The following CCDC102B variants were observed in gnomAD, a reference collection of about 807,000 sequenced individuals.
CCDC102B encodes coiled-coil domain containing 102B.
CCDC102B carries 75 observed loss-of-function variants against 57.4 expected under a neutral mutation model. That is an observed-to-expected ratio of 1.31 (90% CI 1.08 to 1.58). CCDC102B has a LOEUF of 1.58. CCDC102B is among the 40% of genes most tolerant of loss of function. CCDC102B has a pLI of 0.00. For missense variants in CCDC102B, 636 were observed against 582.6 expected (o/e 1.09, Z -0.94); for synonymous variants, 206 against 201.9 (o/e 1.02, Z -0.17).
intron 7 of CCDC102B, among the ~76,000 whole-genome samples, chr18:69,042,684 C>T (rs2052462766): frequency 6.6e-6 from 1 of 152,118 alleles, no homozygotes; most frequent in Non-Finnish European, 1.5e-5. Flanking sequence ...CTCCTTTAGA[C>T]ACTGGGCCAC....
chr18:69,053,020 CAGA>C (rs1188720312), intron 7 of CCDC102B, among the ~76,000 whole-genome samples: 1 of 151,802 alleles, frequency 6.6e-6, no homozygotes, highest in Non-Finnish European at 1.5e-5. Flanking sequence ...TTGAAATCTG[CAGA>C]AGGTCTTGGA....
At chr18:69,026,470 A>C (rs1488922197) in intron 7 of CCDC102B, among the ~76,000 whole-genome samples, 1 of 151,804 alleles carries the variant, frequency 6.6e-6, no homozygotes, top group African/African-American at 2.4e-5. Context: ...AAAAAAAAAA[A>C]AAAAAACCCC....
At chr18:68,741,375 C>T (rs1032592006) in intron 2 of CCDC102B, among the ~76,000 whole-genome samples, 4 of 152,058 alleles carry the variant, frequency 2.6e-5, no homozygotes, top group South Asian at 4.1e-4. Flanking sequence ...GATTGAGCGA[C>T]GGATTACATT....
At chr18:68,955,374 A>G (rs2049815941) in intron 6 of CCDC102B, among the ~76,000 whole-genome samples, 1 of 152,292 alleles carries the variant, frequency 6.6e-6, no homozygotes, top group East Asian at 1.9e-4. Flanking sequence ...ATCTAGACTT[A>G]CACTGTAGAG....
At chr18:69,055,526 T>G (rs2052801646), downstream of CCDC102B, among the ~76,000 whole-genome samples, 1 of 152,092 alleles carries the variant, frequency 6.6e-6, no homozygotes, top group Non-Finnish European at 1.5e-5. Flanking sequence ...TTCATCCAGA[T>G]GGAGCCTTGA....
At chr18:68,766,468 G>A (rs1314419528) in intron 2 of CCDC102B, among the ~76,000 whole-genome samples, 2 of 152,158 alleles carry the variant, frequency 1.3e-5, no homozygotes, top group Non-Finnish European at 2.9e-5. Flanking sequence ...CACGTCAAGT[G>A]TGGGATGAGG....
At chr18:68,838,496 T>C (rs2037483243) in intron 2 of CCDC102B, 1 of 979,914 alleles carries the variant, frequency 1.0e-6, no homozygotes, top group Non-Finnish European at 1.2e-6. Flanking sequence ...GAGAAATGTA[T>C]TTTTTTTATG....
chr18:68,966,446 A>G (rs926622565), intron 6 of CCDC102B, among the ~76,000 whole-genome samples: 1 of 152,082 alleles, frequency 6.6e-6, no homozygotes, highest in Non-Finnish European at 1.5e-5. Context: ...TTGAATCAGG[A>G]GTTAGGCAGG....
intron 2 of CCDC102B, among the ~76,000 whole-genome samples, chr18:68,782,530 G>C (rs2035041027): frequency 6.6e-6 from 1 of 151,988 alleles, no homozygotes; most frequent in Admixed American, 6.5e-5. Flanking sequence ...TCATCTGAAT[G>C]GATATTTTTG....
At chr18:68,795,197 C>G (rs185217913), upstream of CCDC102B, among the ~76,000 whole-genome samples, 16 of 152,132 alleles carry the variant, frequency 1.1e-4, no homozygotes, top group Non-Finnish European at 2.4e-4. Flanking sequence ...GATTGAGAGA[C>G]TGGATGGGGC....
At chr18:68,756,986 G>T (rs2034074131) in intron 2 of CCDC102B, among the ~76,000 whole-genome samples, 1 of 152,030 alleles carries the variant, frequency 6.6e-6, no homozygotes, top group Admixed American at 6.6e-5. Flanking sequence ...TGAGAACTGG[G>T]TGGTGGTCAA....
chr18:68,919,873 G>T (rs192517746), intron 6 of CCDC102B, among the ~76,000 whole-genome samples: 31 of 152,166 alleles, frequency 2.0e-4, no homozygotes, highest in Non-Finnish European at 2.9e-5. Context: ...TAATAACCCA[G>T]TCATAATTAC....
At chr18:68,897,655 G>T (rs1463902213) in intron 6 of CCDC102B, 130 of 1,455,956 alleles carry the variant, frequency 8.9e-5, no homozygotes, top group Admixed American at 2.1e-4. Flanking sequence ...ACAGTTTCAA[G>T]ATTTCCAAAA....
chr18:68,910,042 C>G (rs975865994), intron 6 of CCDC102B, among the ~76,000 whole-genome samples: 3 of 152,134 alleles, frequency 2.0e-5, no homozygotes, highest in Admixed American at 2.0e-4. Context: ...GTAATCCCAG[C>G]ACTTTGGGAG....
At chr18:68,741,687 A>G (rs868018618) in intron 2 of CCDC102B, among the ~76,000 whole-genome samples, 3 of 146,982 alleles carry the variant, frequency 2.0e-5, no homozygotes, top group Admixed American at 6.8e-5. Context: ...ACACACACAC[A>G]CACACACACA....
At chr18:68,947,066 G>A (rs900648840) in intron 6 of CCDC102B, among the ~76,000 whole-genome samples, 2 of 151,916 alleles carry the variant, frequency 1.3e-5, no homozygotes, top group Non-Finnish European at 2.9e-5. Context: ...CATGAACAAT[G>A]CCCTTTACAT....
At chr18:68,953,353 G>GTC (rs1599742981) in intron 6 of CCDC102B, among the ~76,000 whole-genome samples, 1 of 90,114 alleles carries the variant, frequency 1.1e-5, no homozygotes, top group Non-Finnish European at 2.3e-5. Flanking sequence ...GCCAATACTT[G>GTC]TCTTTTTTTT....
intron 1 of CCDC102B, among the ~76,000 whole-genome samples, chr18:68,830,024 A>T (rs1484945576): frequency 6.6e-6 from 1 of 152,000 alleles, no homozygotes; most frequent in African/African-American, 2.4e-5. Flanking sequence ...GAATTATTTC[A>T]TAGAGTGATT....
intron 2 of CCDC102B, among the ~76,000 whole-genome samples, chr18:68,747,273 C>G (rs1405809944): frequency 6.6e-6 from 1 of 151,984 alleles, no homozygotes; most frequent in South Asian, 2.1e-4. Flanking sequence ...GTATTCTATT[C>G]TCTACTTCTA....
Sources: allele counts gnomAD v4.1 joint callset (sites outside exome capture counted in the v4.1 genomes callset), GRCh38; gene constraint gnomAD v4.1.1; transcripts MANE v1.5; gene names NCBI Gene and HGNC (gene_info 2026-07-23, HGNC 2026-07-21).